Variants in CBFA2T2 observed in about 807,000 individuals in gnomAD.
CBFA2T2 encodes the protein CBFA2/RUNX1 partner transcriptional co-repressor 2.
A neutral mutation model predicts 62.2 loss-of-function variants in CBFA2T2; 11 were observed. That is an observed-to-expected ratio of 0.18 (90% CI 0.11 to 0.29). The LOEUF is 0.29. Among genes scored for constraint, CBFA2T2 ranks in the 10% least tolerant of loss-of-function variants. The probability of loss-of-function intolerance (pLI) is 1.00; values close to 1 mark genes in which losing one functional copy is unlikely to be tolerated. For synonymous variants in CBFA2T2, 295 were observed against 287.5 expected, an observed-to-expected ratio of 1.03 and a Z score of -0.27; for missense variants, 592 against 774.1, an observed-to-expected ratio of 0.76 and a Z score of 2.79.
rs2017179988 is a variant in CBFA2T2, at chr20:33,649,640, T to C, written c.*4994T>C. ...TGTCTGTTGGGGACAGCCCCATCCC[T>C]ACCTTGGAGTCGGCAGAGAAGCAGC... On this transcript the variant is annotated 3_prime_UTR_variant, in exon 11 of 11. Coordinates refer to ENST00000342704, the MANE Select transcript of CBFA2T2 (RefSeq NM_001032999.3). The C allele has an allele frequency of 6.6e-6, 1 of 152,258 alleles. No homozygotes were observed. 9.4% of individuals were successfully genotyped at this position (152,258 alleles called of 1,614,324 possible). A position where few individuals can be genotyped will look rare whatever the true frequency, so the allele number is the denominator to read the frequency against.
At chr20:33,499,551 GTC>G (rs1274733339) in intron 1 of CBFA2T2, among the ~76,000 whole-genome samples, 1 of 152,198 alleles carries the variant, frequency 6.6e-6, no homozygotes, top group Non-Finnish European at 1.5e-5. Context: ...TCTGGTTTCT[GTC>G]TCTGGCCCCT....
At chr20:33,642,116 T>TGTGTGTGTGTGTG (rs1555851384) in intron 10 of CBFA2T2, among the ~76,000 whole-genome samples, 34 of 59,062 alleles carry the variant, frequency 5.8e-4, no homozygotes, top group South Asian at 2.6e-3. Flanking sequence ...TTTTTTTTTT[T>TGTGTGTGTGTGTG]TGTGTGTGTG....
chr20:33,635,735 G>A (rs937971516), intron 8 of CBFA2T2, among the ~76,000 whole-genome samples: 3 of 152,032 alleles, frequency 2.0e-5, no homozygotes, highest in South Asian at 2.1e-4. Context: ...GAAATTAGGC[G>A]GTCATGGTGG....
intron 1 of CBFA2T2, among the ~76,000 whole-genome samples, chr20:33,546,752 C>T (rs1222780090): frequency 6.6e-6 from 1 of 152,018 alleles, no homozygotes; most frequent in Non-Finnish European, 1.5e-5. Context: ...GCCTCAGCTT[C>T]CTAAAGTGTT....
chr20:33,566,926 C>T (rs765228103), intron 1 of CBFA2T2, among the ~76,000 whole-genome samples: 1 of 152,140 alleles, frequency 6.6e-6, no homozygotes, highest in Non-Finnish European at 1.5e-5. Flanking sequence ...CATGCATAGC[C>T]GTCTTTTATA....
rs2016057047 is a variant in CBFA2T2 at position 33,623,119 on chromosome 20, ACCTGCC to A, written c.521_526del (p.Pro174_Leu175del). On this transcript the variant is annotated inframe_deletion, in exon 5 of 11. Coordinates refer to ENST00000342704, the MANE Select transcript of CBFA2T2 (RefSeq NM_001032999.3). ...AAACTGCCTCTTCCTTTCAAGGCCAACCTGCCCCTGCTGCAGCGGGAACTGCTGCAC... is the reference window on the plus strand; with the variant it reads ...AAACTGCCTCTTCCTTTCAAGGCCAACCTGCTGCAGCGGGAACTGCTGCAC... 1 of 1,614,082 alleles carries A rather than the reference ACCTGCC, an allele frequency of 6.2e-7. No homozygotes were observed. Among genetic ancestry groups the A allele is most frequent in the Non-Finnish European group, 8.5e-7 (1 of 1,180,048 alleles).
At chr20:33,505,012 A>G (rs1447435530) in intron 1 of CBFA2T2, among the ~76,000 whole-genome samples, 1 of 152,208 alleles carries the variant, frequency 6.6e-6, no homozygotes, top group Admixed American at 6.5e-5. Context: ...GGTAACTACC[A>G]TTTGTGTATC....
At chr20:33,512,383 C>T (rs1228424148) in intron 1 of CBFA2T2, among the ~76,000 whole-genome samples, 1 of 152,138 alleles carries the variant, frequency 6.6e-6, no homozygotes, top group African/African-American at 2.4e-5. Context: ...ACATTAACAG[C>T]AACCACTTCA....
chr20:33,635,961 T>G (rs1425208738), intron 8 of CBFA2T2, among the ~76,000 whole-genome samples: 1 of 152,234 alleles, frequency 6.6e-6, no homozygotes, highest in Non-Finnish European at 1.5e-5. Flanking sequence ...ACAATTAATG[T>G]ATTCTTGTAG....
At chr20:33,599,519 G>A (rs2015031451) in intron 1 of CBFA2T2, among the ~76,000 whole-genome samples, 1 of 151,370 alleles carries the variant, frequency 6.6e-6, no homozygotes, top group Non-Finnish European at 1.5e-5. Flanking sequence ...TTAAAGTATT[G>A]ATTTTGTTTT....
intron 1 of CBFA2T2, among the ~76,000 whole-genome samples, chr20:33,580,199 G>T (rs200273215): frequency 1.3e-5 from 2 of 152,044 alleles, no homozygotes; most frequent in East Asian, 3.9e-4. Flanking sequence ...CATTTTAGGC[G>T]TGTAAATTTT....
chr20:33,562,798 C>A, intron 1 of CBFA2T2: 2 of 475,634 alleles, frequency 4.2e-6, no homozygotes, highest in Non-Finnish European at 5.5e-6. Flanking sequence ...AGAGTTCAGC[C>A]TTTCTACTCA....
At chr20:33,543,793 A>G (rs1355786224) in intron 1 of CBFA2T2, among the ~76,000 whole-genome samples, 7 of 152,222 alleles carry the variant, frequency 4.6e-5, no homozygotes, top group Non-Finnish European at 8.8e-5. Flanking sequence ...TATGATAACC[A>G]TATTTCAAAG....
In CBFA2T2 at chr20:33,521,031, A is replaced by G. The variant is rs573019060; in HGVS notation, c.34+30730A>G. 2.7e-5 allele frequency among the ~76,000 whole-genome samples: 4 copies of G among 150,324 alleles called. No individual in the cohort carries two copies. The South Asian group carries it at 8.6e-4, about 32-fold the overall frequency. On this transcript the variant is annotated intron_variant, in intron 1 of 10. Transcript: ENST00000342704. ...CAGCTGCCATCCTAGATAGTTTACCAATATTGATGAGTCTTTCTTAATGGG... is the reference window on the plus strand; with the variant it reads ...CAGCTGCCATCCTAGATAGTTTACCGATATTGATGAGTCTTTCTTAATGGG...
At chr20:33,559,592 T>G (rs775382108) in intron 1 of CBFA2T2, among the ~76,000 whole-genome samples, 2 of 152,146 alleles carry the variant, frequency 1.3e-5, no homozygotes, top group Non-Finnish European at 2.9e-5. Context: ...GTTCAAGCCA[T>G]TCTCCTGGCT....
At chr20:33,554,240 T>C (rs2012821779) in intron 1 of CBFA2T2, among the ~76,000 whole-genome samples, 1 of 151,880 alleles carries the variant, frequency 6.6e-6, no homozygotes. Flanking sequence ...CAGTGTTTAT[T>C]TTTCTTACTT....
At chr20:33,545,439 C>CTCTTTCTT (rs142619958) in intron 1 of CBFA2T2, among the ~76,000 whole-genome samples, 5,710 of 148,242 alleles carry the variant, frequency 0.039, 151 homozygotes, top group East Asian at 0.052. Context: ...CTCTTTCTTT[C>CTCTTTCTT]TCTTTCTTTC....
chr20:33,581,231 G>A (rs911642956), intron 1 of CBFA2T2, among the ~76,000 whole-genome samples: 4 of 151,940 alleles, frequency 2.6e-5, no homozygotes, highest in African/African-American at 9.7e-5. Flanking sequence ...GCTAATTTTT[G>A]TATTTTTAGT....
chr20:33,550,783 G>A (rs1218730263), intron 1 of CBFA2T2, among the ~76,000 whole-genome samples: 1 of 151,976 alleles, frequency 6.6e-6, no homozygotes, highest in African/African-American at 2.4e-5. Context: ...CACCACACCT[G>A]GCTAATTTTT....
Sources: allele counts gnomAD v4.1 joint callset (sites outside exome capture counted in the v4.1 genomes callset), GRCh38; gene constraint gnomAD v4.1.1; transcripts MANE v1.5; gene names NCBI Gene and HGNC (gene_info 2026-07-23, HGNC 2026-07-21).